The following PLCXD3 variants were observed in gnomAD, a reference collection of about 807,000 sequenced individuals.
The protein encoded by PLCXD3 is phosphatidylinositol specific phospholipase C X domain containing 3.
A neutral mutation model predicts 25.5 loss-of-function variants in PLCXD3; 19 were observed. The observed-to-expected ratio is 0.75, with a 90% confidence interval of 0.52 to 1.09. The LOEUF is 1.09. Ranked by LOEUF, PLCXD3 falls within the 50% of genes least tolerant of loss-of-function variation. The pLI is 0.00. For synonymous variants in PLCXD3, 174 were observed against 137.6 expected (o/e 1.26, Z -1.85); for missense variants, 411 against 388.1 (o/e 1.06, Z -0.50).
intron 1 of PLCXD3, among the ~76,000 whole-genome samples, chr5:41,452,053 C>T (rs1422696535): frequency 2.6e-5 from 4 of 151,938 alleles, no homozygotes; most frequent in Non-Finnish European, 4.4e-5. Context: ...AATCAAGGAC[C>T]CCAAGGTATT....
intron 2 of PLCXD3, among the ~76,000 whole-genome samples, chr5:41,354,814 C>T (rs1479036003): frequency 1.3e-5 from 2 of 152,140 alleles, no homozygotes; most frequent in Non-Finnish European, 2.9e-5. Flanking sequence ...GCATAAAATT[C>T]TTCAAATCCT....
intron 2 of PLCXD3, among the ~76,000 whole-genome samples, chr5:41,317,944 T>C (rs1418117563): frequency 6.6e-6 from 1 of 152,040 alleles, no homozygotes; most frequent in Non-Finnish European, 1.5e-5. Context: ...GGGTAGGATG[T>C]TTATTCAAAG....
intron 1 of PLCXD3, among the ~76,000 whole-genome samples, chr5:41,445,494 T>C (rs976894830): frequency 5.3e-5 from 8 of 152,196 alleles, no homozygotes. Context: ...GAGTCTCCTA[T>C]GGAAATATGG....
intron 1 of PLCXD3, among the ~76,000 whole-genome samples, chr5:41,385,553 T>A (rs1412956670): frequency 6.6e-6 from 1 of 152,106 alleles, no homozygotes; most frequent in Non-Finnish European, 1.5e-5. Context: ...TGTGATAAAT[T>A]GTACCCTCAT....
chr5:41,496,898 G>T (rs1667165146), intron 1 of PLCXD3, among the ~76,000 whole-genome samples: 1 of 151,544 alleles, frequency 6.6e-6, no homozygotes, highest in Non-Finnish European at 1.5e-5. Flanking sequence ...TATATTAAAG[G>T]ATAGAAAATA....
chr5:41,478,779 A>C (rs1316828416), intron 1 of PLCXD3, among the ~76,000 whole-genome samples: 7 of 152,234 alleles, frequency 4.6e-5, no homozygotes, highest in Non-Finnish European at 1.5e-5. Context: ...ATTGACTCAC[A>C]GTTACACAGG....
chr5:41,370,275 G>T (rs1180038699), intron 2 of PLCXD3, among the ~76,000 whole-genome samples: 1 of 152,124 alleles, frequency 6.6e-6, no homozygotes, highest in Non-Finnish European at 1.5e-5. Flanking sequence ...CAGAGCAAGA[G>T]CCAGAAGATC....
intron 2 of PLCXD3, among the ~76,000 whole-genome samples, chr5:41,315,273 T>G (rs1743256165): frequency 6.6e-6 from 1 of 151,980 alleles, no homozygotes. Flanking sequence ...AAAGAAAGTT[T>G]GAGGGAAATA....
chr5:41,454,414 A>G (rs1305782209), intron 1 of PLCXD3, among the ~76,000 whole-genome samples: 2 of 151,926 alleles, frequency 1.3e-5, no homozygotes, highest in Non-Finnish European at 2.9e-5. Flanking sequence ...CACAGATGGC[A>G]CCTCCAGCTG....
Position 41,313,534 on chromosome 5 carries a change from G to C in PLCXD3, c.*83C>G, listed in dbSNP as rs759163397. On this transcript the variant is annotated 3_prime_UTR_variant, in exon 3 of 3. Transcript: ENST00000377801. Reference sequence around the variant, plus strand: ...TTCCCTTCAGAGACTCAGTGGAATAGGAAGATCAGAGTGTTTACAGATAGT... The same window carrying C: ...TTCCCTTCAGAGACTCAGTGGAATACGAAGATCAGAGTGTTTACAGATAGT... The C allele has an allele frequency of 1.0e-4, 156 of 1,533,576 alleles. No homozygotes were observed. Among genetic ancestry groups the C allele is most frequent in the Non-Finnish European group, 1.3e-4 (150 of 1,112,242 alleles). The allele number at this position is 1,533,576 out of a possible 1,614,324, so 95.0% of individuals were successfully genotyped here.
intron 1 of PLCXD3, among the ~76,000 whole-genome samples, chr5:41,389,312 C>T (rs969289417): frequency 5.3e-5 from 8 of 152,156 alleles, no homozygotes; most frequent in African/African-American, 1.9e-4. Flanking sequence ...CCAGTCTTTA[C>T]TACTTCCTTG....
chr5:41,445,953 C>T (rs565071683), intron 1 of PLCXD3, among the ~76,000 whole-genome samples: 1 of 151,602 alleles, frequency 6.6e-6, no homozygotes, highest in African/African-American at 2.4e-5. Flanking sequence ...TTTGGGAGGC[C>T]GAGGCGGACG....
intron 1 of PLCXD3, among the ~76,000 whole-genome samples, chr5:41,486,024 G>C (rs1229389399): frequency 6.6e-6 from 1 of 152,190 alleles, no homozygotes; most frequent in Non-Finnish European, 1.5e-5. Context: ...AGATAGCTCA[G>C]TTAGTATGAG....
At chr5:41,393,396 G>A (rs1441721072) in intron 1 of PLCXD3, among the ~76,000 whole-genome samples, 3 of 152,130 alleles carry the variant, frequency 2.0e-5, no homozygotes, top group Non-Finnish European at 4.4e-5. Context: ...CATGGGCCAG[G>A]AGAAAGTGGC....
At chr5:41,380,585 C>A (rs557460546) in intron 2 of PLCXD3, among the ~76,000 whole-genome samples, 1 of 152,074 alleles carries the variant, frequency 6.6e-6, no homozygotes, top group Non-Finnish European at 1.5e-5. Flanking sequence ...TTACACCACT[C>A]CAAGCTTTAT....
At chr5:41,497,628 G>C (rs907461628) in intron 1 of PLCXD3, among the ~76,000 whole-genome samples, 1 of 151,802 alleles carries the variant, frequency 6.6e-6, no homozygotes, top group Non-Finnish European at 1.5e-5. Context: ...TAATCATCCA[G>C]ACAGAAAATC....
At chr5:41,398,202 C>T (rs1580350466) in intron 1 of PLCXD3, among the ~76,000 whole-genome samples, 3 of 152,166 alleles carry the variant, frequency 2.0e-5, no homozygotes, top group African/African-American at 4.8e-5. Context: ...TGAAATGTAA[C>T]CCCCAGTGAT....
chr5:41,423,982 C>T lies in PLCXD3; in HGVS notation c.104-41448G>A, dbSNP rs533970253. On this transcript the variant is annotated intron_variant, in intron 1 of 2. Coordinates refer to ENST00000377801, the MANE Select transcript of PLCXD3 (RefSeq NM_001005473.3). ...GTTTTGTGAGAATACTTAAGACCAACTCTTCAAGCACTTTTCAAATATACA... is the reference window on the plus strand; with the variant it reads ...GTTTTGTGAGAATACTTAAGACCAATTCTTCAAGCACTTTTCAAATATACA... 1.5e-4 allele frequency among the ~76,000 whole-genome samples: 23 copies of T among 152,186 alleles called. 1 individual carries two copies. The highest frequency in any genetic ancestry group is 5.9e-4 in the Admixed American group (9 of 15,280).
At position 41,307,500 on chromosome 5, in the gene PLCXD3, A is replaced by G. The variant is rs545291795; in HGVS notation, c.*6117T>C. 2 of 152,274 alleles carry G rather than the reference A, an allele frequency of 1.3e-5. No individual in the cohort carries two copies. The highest frequency in any genetic ancestry group is 2.1e-4 in the South Asian group (1 of 4,826). The allele number at this position is 152,274 out of a possible 1,614,324, so 9.4% of individuals were successfully genotyped here. ...TATTTTAGGGCTTCTTGGGTTTTCA[A>G]TTCCAAAAAAAAATAGTACTGGTCG... On this transcript the variant is annotated 3_prime_UTR_variant, in exon 3 of 3. Coordinates refer to ENST00000377801, the MANE Select transcript of PLCXD3 (RefSeq NM_001005473.3).
Sources: gnomAD v4.1 joint callset for allele counts (sites outside exome capture counted in the v4.1 genomes callset) on GRCh38, gnomAD v4.1.1 for gene constraint, MANE v1.5 for transcripts, NCBI Gene and HGNC (gene_info 2026-07-23, HGNC 2026-07-21) for gene names.